Variants in SRGAP2 observed in about 807,000 individuals in gnomAD.
SRGAP2 encodes the protein SLIT-ROBO Rho GTPase activating protein 2, also known as SLIT-ROBO Rho GTPase-activating protein 2.
SRGAP2 carries 15 observed loss-of-function variants against 57.2 expected under a neutral mutation model. That is an observed-to-expected ratio of 0.26 (90% CI 0.18 to 0.40). SRGAP2 has a LOEUF of 0.40. Ranked by LOEUF, SRGAP2 falls within the 10% of genes least tolerant of loss-of-function variation. SRGAP2 has a pLI of 1.00. For synonymous variants in SRGAP2, 249 were observed against 248.0 expected, an observed-to-expected ratio of 1.00 and a Z score of -0.04; for missense variants, 520 against 669.6, an observed-to-expected ratio of 0.78 and a Z score of 2.47.
At chr1:206,344,056 G>C (rs1558329103) in intron 4 of SRGAP2, among the ~76,000 whole-genome samples, 1 of 152,178 alleles carries the variant, frequency 6.6e-6, no homozygotes, top group African/African-American at 2.4e-5. Flanking sequence ...CTGGTAAACA[G>C]GATTGTAGTC....
intron 2 of SRGAP2, among the ~76,000 whole-genome samples, chr1:206,224,315 A>G (rs1667151291): frequency 6.6e-6 from 1 of 151,398 alleles, no homozygotes; most frequent in Non-Finnish European, 1.5e-5. Flanking sequence ...AATAATGAGT[A>G]TGTAGTTTCT....
At chr1:206,229,782 C>T (rs1459538051) in intron 2 of SRGAP2, among the ~76,000 whole-genome samples, 3 of 151,748 alleles carry the variant, frequency 2.0e-5, no homozygotes, top group Non-Finnish European at 2.9e-5. Flanking sequence ...AGTTTTGTTA[C>T]CTCATTTATT....
At chr1:206,307,436 C>A (rs1370395816) in intron 3 of SRGAP2, among the ~76,000 whole-genome samples, 1 of 152,252 alleles carries the variant, frequency 6.6e-6, no homozygotes, top group African/African-American at 2.4e-5. Flanking sequence ...GCCTGCCAGT[C>A]CTGCGCTGTG....
chr1:206,438,377 CT>C lies in SRGAP2; in HGVS notation c.1768+282del, dbSNP rs1368171710. 2.0e-5 allele frequency among the ~76,000 whole-genome samples: 3 copies of C among 151,492 alleles called. No individual in the cohort carries two copies. The East Asian group carries it at 5.8e-4, about 29-fold the overall frequency. On this transcript the variant is annotated intron_variant, in intron 16 of 22. Coordinates refer to ENST00000573034, the MANE Select transcript of SRGAP2 (RefSeq NM_015326.5). ...GCTTTATCTTTTTTTAGTAAAATAC[CT>C]TTATTTTCAATTATGTATTTGAAGC...
intron 3 of SRGAP2, among the ~76,000 whole-genome samples, chr1:206,313,971 T>C (rs1407651307): frequency 6.6e-6 from 1 of 151,802 alleles, no homozygotes; most frequent in Admixed American, 6.6e-5. Context: ...AATTGCTGAC[T>C]GATGGGATTC....
intron 18 of SRGAP2, among the ~76,000 whole-genome samples, chr1:206,449,911 G>A (rs1553375253): frequency 1.3e-5 from 2 of 152,174 alleles, no homozygotes. Context: ...TCAGTATATA[G>A]ATGAGGCAGC....
intron 4 of SRGAP2, among the ~76,000 whole-genome samples, chr1:206,353,422 G>A (rs1676179437): frequency 6.6e-6 from 1 of 151,910 alleles, no homozygotes; most frequent in Admixed American, 6.6e-5. Flanking sequence ...CAAGGTGGGT[G>A]GATCACTTGA....
intron 3 of SRGAP2, among the ~76,000 whole-genome samples, chr1:206,341,960 T>C (rs1675225782): frequency 6.6e-6 from 1 of 152,098 alleles, no homozygotes; most frequent in Admixed American, 6.5e-5. Flanking sequence ...ATTGTGCCAC[T>C]GTACTCCAGC....
chr1:206,436,649 A>G lies in SRGAP2; in HGVS notation c.1556-316A>G, dbSNP rs552740283. On this transcript the variant is annotated intron_variant, in intron 14 of 22. Coordinates refer to ENST00000573034, the MANE Select transcript of SRGAP2 (RefSeq NM_015326.5). ...TATTCTTGACCCTAGATGATTTAAAAAAGTACCAATGGGTCACTTCTTTGC... is the reference window on the plus strand; with the variant it reads ...TATTCTTGACCCTAGATGATTTAAAGAAGTACCAATGGGTCACTTCTTTGC... 2.0e-5 allele frequency among the ~76,000 whole-genome samples: 3 copies of G among 152,316 alleles called. No individual in the cohort carries two copies. The South Asian group carries it at 6.2e-4, about 32-fold the overall frequency.
chr1:206,340,732 A>G (rs1277237694), intron 3 of SRGAP2, among the ~76,000 whole-genome samples: 1 of 148,904 alleles, frequency 6.7e-6, no homozygotes, highest in African/African-American at 2.5e-5. Flanking sequence ...CAATGGAAAC[A>G]TCAGATGCTA....
At chr1:206,303,888 T>TCACACACACACA (rs1172123806) in intron 3 of SRGAP2, among the ~76,000 whole-genome samples, 1 of 138,462 alleles carries the variant, frequency 7.2e-6, no homozygotes, top group African/African-American at 2.8e-5. Context: ...TCTCTCTCTC[T>TCACACACACACA]CACACACACA....
At chr1:206,394,716 C>T (rs1553352825) in intron 7 of SRGAP2, among the ~76,000 whole-genome samples, 2 of 151,766 alleles carry the variant, frequency 1.3e-5, no homozygotes, top group African/African-American at 4.9e-5. Context: ...AAGGGGCAAG[C>T]GCAGGGATAA....
chr1:206,383,386 G>C (rs1655890341), intron 4 of SRGAP2, among the ~76,000 whole-genome samples: 1 of 151,444 alleles, frequency 6.6e-6, no homozygotes, highest in African/African-American at 2.4e-5. Flanking sequence ...CAGCAGCAAA[G>C]AACCCAGGAG....
At position 206,454,762 on chromosome 1, in the gene SRGAP2, C is replaced by T. The variant is rs1221241334; in HGVS notation, c.2361-116C>T. ...CTAGTCCAGCCAGGTGTCGCTGCTG[C>T]CTCAGAGCTGTGTGGGGTCGCGTGT... On this transcript the variant is annotated intron_variant, in intron 20 of 22. Transcript: ENST00000573034. The surrounding 1 kb of genome is among the most constrained non-coding windows in gnomAD (Gnocchi z 4.3). The T allele has an allele frequency of 3.2e-6, 2 of 618,262 alleles. No homozygotes were observed. Among genetic ancestry groups the T allele is most frequent in the Non-Finnish European group, 5.8e-6 (2 of 344,754 alleles). The allele number at this position is 618,262 out of a possible 1,614,324, so 38.3% of individuals were successfully genotyped here. A position where few individuals can be genotyped will look rare whatever the true frequency, so the allele number is the denominator to read the frequency against.
chr1:206,311,295 G>A (rs1488816002), intron 3 of SRGAP2, among the ~76,000 whole-genome samples: 1 of 152,158 alleles, frequency 6.6e-6, no homozygotes, highest in Non-Finnish European at 1.5e-5. Context: ...GAAAGGACAA[G>A]TGTAGGAAAG....
chr1:206,354,634 T>C, intron 4 of SRGAP2, among the ~76,000 whole-genome samples: 1 of 152,186 alleles, frequency 6.6e-6, no homozygotes, highest in East Asian at 1.9e-4. Flanking sequence ...TTATAAATAA[T>C]GCTGCTATGA....
rs942839437 is a variant in SRGAP2 at position 206,462,936 on chromosome 1, C to T, written c.*1516C>T. 5.3e-5 allele frequency: 8 copies of T among 152,234 alleles called. No individual in the cohort carries two copies. Among genetic ancestry groups the T allele is most frequent in the African/African-American group, 1.9e-4 (8 of 41,444 alleles). The allele number at this position is 152,234 out of a possible 1,614,324, so 9.4% of individuals were successfully genotyped here. ...CAGGCTCATGGGTCTCAGACAGCAACTTGAGTTAAAGCTGAAACTCATCCT... is the reference window on the plus strand; with the variant it reads ...CAGGCTCATGGGTCTCAGACAGCAATTTGAGTTAAAGCTGAAACTCATCCT... On this transcript the variant is annotated 3_prime_UTR_variant, in exon 23 of 23. Coordinates refer to ENST00000573034, the MANE Select transcript of SRGAP2 (RefSeq NM_015326.5).
rs1288727850 is a variant in SRGAP2 at position 206,356,008 on chromosome 1, T to C, written c.423+13000T>C. 2.2e-4 allele frequency among the ~76,000 whole-genome samples: 32 copies of C among 147,822 alleles called. 1 individual carries two copies. In the East Asian group the frequency reaches 6.4e-3, roughly 29 times the overall value. On this transcript the variant is annotated intron_variant, in intron 4 of 22. Transcript: ENST00000573034. ...AATAAATAAAATAAAAATGCCTCTC[T>C]GAGAAAAGGAGAGGATTGTTAATAC...
chr1:206,286,895 C>T lies in SRGAP2; in HGVS notation c.68-16386C>T, dbSNP rs1371809936. Among the ~76,000 whole-genome samples the T allele has an allele frequency of 5.3e-5, 8 of 151,896 alleles. 1 individual carries two copies. The highest frequency in any genetic ancestry group is 4.2e-4 in the South Asian group (2 of 4,814). ...TGGGCCATGTAAGGTTTTGGAAAGC[C>T]GTTAGCTTTTCTCCACTGGGAAGCC... On this transcript the variant is annotated intron_variant, in intron 2 of 22. Transcript: ENST00000573034.
Sources: allele counts gnomAD v4.1 joint callset (sites outside exome capture counted in the v4.1 genomes callset), GRCh38; gene constraint gnomAD v4.1.1; non-coding constraint Gnocchi (gnomAD v3.1); transcripts MANE v1.5; gene names NCBI Gene and HGNC (gene_info 2026-07-23, HGNC 2026-07-21).